Variants in ENTPD6 observed in about 807,000 individuals in gnomAD.
ENTPD6 encodes the protein ectonucleoside triphosphate diphosphohydrolase 6.
Under a neutral mutation model 61.5 loss-of-function variants are expected in ENTPD6, and 46 were observed. The ratio of observed to expected loss-of-function variants is 0.75; its 90% confidence interval spans 0.59 to 0.96. The LOEUF (loss-of-function observed/expected upper bound fraction) is 0.96, where lower values mean the gene tolerates loss of function less well. ENTPD6 is among the 40% of genes least tolerant of loss of function. The pLI is 0.00. For missense variants in ENTPD6, 612 were observed against 629.0 expected (o/e 0.97, Z 0.29); for synonymous variants, 252 against 255.5 (o/e 0.99, Z 0.13).
chr20:25,196,061 G>A, intron 1 of ENTPD6, 194 bp downstream of exon 1: 2 of 918,384 alleles, frequency 2.2e-6, no homozygotes, highest in South Asian at 5.7e-5. Flanking sequence ...GACCGGTGGG[G>A]GGCAAGTCCA....
At chr20:25,217,373 C>T (rs752024091) in intron 8 of ENTPD6, 129 bp from the exon 9 acceptor site, 4 of 817,574 alleles carry the variant, frequency 4.9e-6, no homozygotes, top group African/African-American at 1.7e-5. Flanking sequence ...TCGCAGCCAG[C>T]GACCTAGTGA....
At position 25,207,207 on chromosome 20, in the gene ENTPD6, G is replaced by T; in HGVS notation, c.186G>T (p.Trp62Cys). 1 of 1,614,128 alleles carries T rather than the reference G, an allele frequency of 6.2e-7. No homozygotes were observed. The highest frequency in any genetic ancestry group is 8.5e-7 in the Non-Finnish European group (1 of 1,180,020). The change falls in exon 3 of 15, where the codon TGG becomes TGT. Residue 62 changes from tryptophan (W) to cysteine (C), a missense_variant. Coordinates refer to ENST00000376652, the MANE Select transcript of ENTPD6 (RefSeq NM_001247.5). ...TCATCTATGTTGCCTACATCAAGTG[G>T]CACCGGGCCACCGCCACCCAGGCCT... ...GVFIYVAYIK[W>C]HRATATQAFF...
chr20:25,196,079 G>T, intron 1 of ENTPD6: 2 of 1,000,544 alleles, frequency 2.0e-6, no homozygotes, highest in Non-Finnish European at 2.6e-6. Flanking sequence ...CCAGTGTTTT[G>T]GGCCACAGGG....
intron 10 of ENTPD6, among the ~76,000 whole-genome samples, chr20:25,220,367 T>C (rs1049044622): frequency 6.6e-6 from 1 of 151,864 alleles, no homozygotes; most frequent in African/African-American, 2.4e-5. Flanking sequence ...TGCATGTGGC[T>C]GTGGCAGCTG....
chr20:25,221,887 G>A (rs1011705080), intron 11 of ENTPD6: 11 of 185,142 alleles, frequency 5.9e-5, no homozygotes, highest in Admixed American at 5.0e-4. Flanking sequence ...CCACTGGTGC[G>A]TGTACCGGGG....
intron 8 of ENTPD6, 146 bp downstream of exon 8, chr20:25,216,882 T>C: frequency 1.6e-6 from 1 of 609,128 alleles, no homozygotes; most frequent in Non-Finnish European, 2.9e-6. Flanking sequence ...CATTTCCTCT[T>C]CTGAGAGCTG....
intron 1 of ENTPD6, among the ~76,000 whole-genome samples, chr20:25,196,437 G>A (rs2090420789): frequency 6.6e-6 from 1 of 152,188 alleles, no homozygotes; most frequent in Admixed American, 6.5e-5. Flanking sequence ...CTCCTTCAGT[G>A]GAAAACATTC....
At chr20:25,203,502 T>C (rs1253945729) in intron 1 of ENTPD6, among the ~76,000 whole-genome samples, 2 of 152,398 alleles carry the variant, frequency 1.3e-5, no homozygotes, top group East Asian at 1.9e-4. Flanking sequence ...ATGTGCTATG[T>C]TGAAGTTTGC....
Position 25,225,553 on chromosome 20 carries a change from C to CATT in ENTPD6, c.1413_1415dup (p.Tyr472dup), listed in dbSNP as rs1416130513. ...CAGCTGGGCTCTGGGGGCCATTTTTCATTACATCGACTCCCTGAACAGACA... is the reference window on the plus strand; with the variant it reads ...CAGCTGGGCTCTGGGGGCCATTTTTCATTATTACATCGACTCCCTGAACAGACA... On this transcript the variant is annotated inframe_insertion, in exon 15 of 15. Transcript: ENST00000376652. The CATT allele has an allele frequency of 1.2e-6, 2 of 1,614,090 alleles. No homozygotes were observed. The highest frequency in any genetic ancestry group is 1.7e-6 in the Non-Finnish European group (2 of 1,179,978).
At position 25,226,197 on chromosome 20, in the gene ENTPD6, T is replaced by C. The variant is rs1431738938; in HGVS notation, c.*600T>C. 6.6e-6 allele frequency: 1 copy of C among 152,668 alleles called. No homozygotes were observed. The highest frequency in any genetic ancestry group is 1.9e-4 in the East Asian group (1 of 5,186). The allele number at this position is 152,668 out of a possible 1,614,324, so 9.5% of individuals were successfully genotyped here. A position where few individuals can be genotyped will look rare whatever the true frequency, so the allele number is the denominator to read the frequency against. Reference sequence around the variant, plus strand: ...CCCAGAGGCCTGCTCTCCTCACACATTGTGTGGTTTGGGGTTAATGATGGA... The same window carrying C: ...CCCAGAGGCCTGCTCTCCTCACACACTGTGTGGTTTGGGGTTAATGATGGA... On this transcript the variant is annotated 3_prime_UTR_variant, in exon 15 of 15. Transcript: ENST00000376652.
intron 1 of ENTPD6, among the ~76,000 whole-genome samples, chr20:25,199,285 C>A (rs1429064694): frequency 6.6e-6 from 1 of 152,222 alleles, no homozygotes; most frequent in Non-Finnish European, 1.5e-5. Context: ...GCAGGAAGAA[C>A]CTTAGTCAGG....
chr20:25,215,350 G>A (rs1043620541), intron 6 of ENTPD6, among the ~76,000 whole-genome samples: 2 of 152,230 alleles, frequency 1.3e-5, no homozygotes, highest in Non-Finnish European at 2.9e-5. Context: ...GACCTTGAGA[G>A]TGAGTGTGTA....
At chr20:25,222,552 G>A (rs1051139327) in intron 11 of ENTPD6, 16 of 365,660 alleles carry the variant, frequency 4.4e-5, no homozygotes, top group Admixed American at 3.8e-4. Flanking sequence ...GAGGCCACTG[G>A]TGTCAGGCAT....
At chr20:25,207,567 A>T (rs2091611953) in intron 3 of ENTPD6, among the ~76,000 whole-genome samples, 170 bp downstream of exon 3, 1 of 152,146 alleles carries the variant, frequency 6.6e-6, no homozygotes, top group Non-Finnish European at 1.5e-5. Flanking sequence ...GGAGTCCCAG[A>T]TCACTCTTAC....
Position 25,209,860 on chromosome 20 carries a change from T to C in ENTPD6, c.388T>C (p.Leu130=). The part of the protein sequence containing the change: ...FTRPPRETPT[L]THETFKALKP... Reference sequence around the variant, plus strand: ...TGTTTTCCCCTTAGAAACTCCCACGTTAACCCACGAAACCTTCAAAGCACT... The same window carrying C: ...TGTTTTCCCCTTAGAAACTCCCACGCTAACCCACGAAACCTTCAAAGCACT... The change falls in exon 4 of 15, where the codon TTA becomes CTA. Residue 130 remains leucine, a synonymous_variant. Transcript: ENST00000376652. The C allele has an allele frequency of 6.2e-7, 1 of 1,614,128 alleles. No homozygotes were observed. Among genetic ancestry groups the C allele is most frequent in the South Asian group, 1.1e-5 (1 of 91,082 alleles).
intron 1 of ENTPD6, among the ~76,000 whole-genome samples, chr20:25,197,539 T>C (rs139218912): frequency 1.1e-4 from 16 of 152,340 alleles, no homozygotes; most frequent in Middle Eastern, 3.4e-3. Context: ...ATTCACGCTG[T>C]GGTGTTAGTG....
At position 25,218,574 on chromosome 20, in the gene ENTPD6, G is replaced by A. The variant is rs200748372; in HGVS notation, c.903G>A (p.Ser301=). Residue 301 remains serine, a synonymous_variant, in exon 10 of 15, where the codon TCG becomes TCA. Transcript: ENST00000376652. Reference sequence around the variant, plus strand: ...GCTACCTCGGGCTCGGGCTGATGTCGGCACGCCTGGCGATCCTGGGCGGCG... The same window carrying A: ...GCTACCTCGGGCTCGGGCTGATGTCAGCACGCCTGGCGATCCTGGGCGGCG... ...SYSYLGLGLM[S]ARLAILGGVE... The A allele has an allele frequency of 1.1e-4, 172 of 1,607,950 alleles. No individual in the cohort carries two copies. Among genetic ancestry groups the A allele is most frequent in the Middle Eastern group, 1.7e-4 (1 of 6,034 alleles).
rs756263635 is a variant in ENTPD6 at position 25,224,144 on chromosome 20, C to T, written c.1230C>T (p.Ile410=). The T allele has an allele frequency of 7.4e-6, 12 of 1,611,898 alleles. No homozygotes were observed. The highest frequency in any genetic ancestry group is 2.2e-5 in the South Asian group (2 of 90,696). The change falls in exon 13 of 15, where the codon ATC becomes ATT. Residue 410 remains isoleucine, a synonymous_variant. Coordinates refer to ENST00000376652, the MANE Select transcript of ENTPD6 (RefSeq NM_001247.5). ...GGSLVVGDFE[I]AAKYVCRTLE... is the part of the protein sequence containing the mutation. ...GCCTGGTGGTGGGGGACTTCGAGAT[C>T]GCAGCCAAGTACGGTGAGTGATGCT...
intron 1 of ENTPD6, 109 bp downstream of exon 1, chr20:25,195,976 C>T: frequency 3.1e-6 from 3 of 964,192 alleles, no homozygotes; most frequent in East Asian, 6.6e-5. Flanking sequence ...CGGGGTCACT[C>T]GCACCCCGGG....
Sources: allele counts gnomAD v4.1 joint callset (sites outside exome capture counted in the v4.1 genomes callset), GRCh38; gene constraint gnomAD v4.1.1; transcripts MANE v1.5; gene names NCBI Gene and HGNC (gene_info 2026-07-23, HGNC 2026-07-21).